Variants in NRG1 observed in about 807,000 individuals in gnomAD.
The protein encoded by NRG1 is neuregulin 1.
A neutral mutation model predicts 63.8 loss-of-function variants in NRG1; 18 were observed. The ratio of observed to expected loss-of-function variants is 0.28; its 90% confidence interval spans 0.19 to 0.42. The LOEUF is 0.42. Ranked by LOEUF, NRG1 falls within the 10% of genes least tolerant of loss-of-function variation. The pLI, the probability that NRG1 is intolerant of heterozygous loss-of-function variation, is 1.00. For missense variants in NRG1, 762 were observed against 814.7 expected, an observed-to-expected ratio of 0.94 and a Z score of 0.79; for synonymous variants, 302 against 301.3, an observed-to-expected ratio of 1.00 and a Z score of -0.02.
chr8:32,617,008 G>A, intron 5 of NRG1, 123 bp downstream of exon 5: 1 of 725,192 alleles, frequency 1.4e-6, no homozygotes, highest in Non-Finnish European at 2.4e-6. Flanking sequence ...TTGGCAATAG[G>A]TGGTATTTGC....
chr8:32,024,390 C>A lies in NRG1; in HGVS notation c.37+384959C>A, dbSNP rs564003800. On this transcript the variant is annotated intron_variant, in intron 1 of 10. Coordinates refer to the NRG1 transcript ENST00000519301. ...TTGAGTGGTGGACAGAGTGGGAAAC[C>A]ACGTAGCATGCAAAGGGGAGCGGAA... 3.9e-5 allele frequency among the ~76,000 whole-genome samples: 6 copies of A among 152,288 alleles called. No homozygotes were observed. The East Asian group carries it at 1.2e-3, about 29-fold the overall frequency.
intron 1 of NRG1, among the ~76,000 whole-genome samples, chr8:31,930,301 T>G (rs947826425): frequency 6.6e-6 from 1 of 152,176 alleles, no homozygotes; most frequent in Admixed American, 6.5e-5. Context: ...AAAAGATCAT[T>G]TATTGATTAA....
At chr8:31,957,636 T>G (rs764992644) in intron 1 of NRG1, among the ~76,000 whole-genome samples, 88 of 152,212 alleles carry the variant, frequency 5.8e-4, no homozygotes, top group Non-Finnish European at 8.5e-4. Flanking sequence ...TTTTGAATTT[T>G]TTAGTGGTAG....
At position 32,123,664 on chromosome 8, in the gene NRG1, TC is replaced by T. The variant is rs1462181626; in HGVS notation, c.38-472163del. ...CATAATATATATATTATGTAATTTT[TC>T]ATTCTGTCTTATAATTTATTCTAAA... On this transcript the variant is annotated intron_variant, in intron 1 of 10. Transcript: ENST00000519301. Among the ~76,000 whole-genome samples, 3 of 149,576 alleles carry T rather than the reference TC, an allele frequency of 2.0e-5. No homozygotes were observed. The East Asian group carries it at 5.8e-4, about 29-fold the overall frequency.
rs537424907 is a variant in NRG1 at position 31,639,538 on chromosome 8, G to A, written c.37+107G>A. 100 of 1,474,724 alleles carry A rather than the reference G, an allele frequency of 6.8e-5. No homozygotes were observed. The East Asian group carries it at 2.5e-3, about 37-fold the overall frequency. 91.4% of individuals were successfully genotyped at this position (1,474,724 alleles called of 1,614,324 possible). On this transcript the variant is annotated intron_variant, in intron 1 of 10. Transcript: ENST00000519301. ...GCTCTCTCCCTCGCGCTCTCTCCCA[G>A]CCGCTTGCTCGCAGCCCCAGCAGCC...
At chr8:31,898,143 C>T (rs1585594842) in intron 1 of NRG1, among the ~76,000 whole-genome samples, 1 of 151,896 alleles carries the variant, frequency 6.6e-6, no homozygotes, top group African/African-American at 2.4e-5. Context: ...TGATTGATGT[C>T]TTATATCTCC....
intron 1 of NRG1, among the ~76,000 whole-genome samples, chr8:32,566,251 G>T (rs1455289705): frequency 6.6e-6 from 1 of 151,660 alleles, no homozygotes; most frequent in Non-Finnish European, 1.5e-5. Flanking sequence ...CAGCTACTTG[G>T]GAGGCTGAGG....
intron 1 of NRG1, among the ~76,000 whole-genome samples, chr8:32,057,316 CATTT>C (rs1223182866): frequency 1.3e-5 from 2 of 152,042 alleles, no homozygotes; most frequent in Non-Finnish European, 2.9e-5. Flanking sequence ...TTTCTTTTCC[CATTT>C]ATTTATTTTG....
rs1346998785 is a variant in NRG1 at position 32,016,891 on chromosome 8, AG to A, written c.37+377461del. ...TGTGAGCACAGCCTGTACAATTAAT[AG>A]TGACACTTCAGCAGCAAAGCCACTC... On this transcript the variant is annotated intron_variant, in intron 1 of 10. Coordinates refer to the NRG1 transcript ENST00000519301. Among the ~76,000 whole-genome samples the A allele has an allele frequency of 2.6e-5, 4 of 152,326 alleles. No individual in the cohort carries two copies. The South Asian group carries it at 6.2e-4, about 24-fold the overall frequency.
exon 12 of NRG1, chr8:32,767,287 C>G (rs1194157163): frequency 6.6e-6 from 1 of 152,118 alleles, no homozygotes; most frequent in Non-Finnish European, 1.5e-5. Flanking sequence ...TGAAGTTTAT[C>G]CAGGGTAACT....
At chr8:32,000,646 G>A (rs1304427581) in intron 1 of NRG1, among the ~76,000 whole-genome samples, 3 of 151,888 alleles carry the variant, frequency 2.0e-5, no homozygotes, top group African/African-American at 7.2e-5. Flanking sequence ...CCAGACATAA[G>A]CTGAAAAGCA....
At chr8:31,768,427 G>A (rs73590143) in intron 1 of NRG1, among the ~76,000 whole-genome samples, 509 of 152,260 alleles carry the variant, frequency 3.3e-3, no homozygotes, top group African/African-American at 0.012. Flanking sequence ...GTGGTAATCA[G>A]CTGAATTAGT....
At chr8:32,192,312 A>G (rs1243260854) in intron 1 of NRG1, among the ~76,000 whole-genome samples, 3 of 152,200 alleles carry the variant, frequency 2.0e-5, no homozygotes, top group East Asian at 3.8e-4. Flanking sequence ...TCATAGCACT[A>G]TTCACTATAA....
intron 1 of NRG1, among the ~76,000 whole-genome samples, chr8:31,765,535 G>T (rs1241560507): frequency 1.3e-5 from 2 of 152,070 alleles, no homozygotes; most frequent in Non-Finnish European, 2.9e-5. Context: ...TTTTTATCAG[G>T]GGTAAGTATT....
intron 1 of NRG1, chr8:32,061,562 T>G (rs1247954142): frequency 6.6e-6 from 1 of 152,060 alleles, no homozygotes; most frequent in Non-Finnish European, 1.5e-5. Context: ...CAATGTTTTA[T>G]GCCCTATGCC....
chr8:32,334,095 A>G (rs931303739), intron 1 of NRG1, among the ~76,000 whole-genome samples: 4 of 152,208 alleles, frequency 2.6e-5, no homozygotes, highest in Admixed American at 1.3e-4. Flanking sequence ...CTTACATGAC[A>G]GGTACTTACA....
At chr8:32,654,483 G>A (rs1316116312) in intron 5 of NRG1, among the ~76,000 whole-genome samples, 2 of 151,896 alleles carry the variant, frequency 1.3e-5, no homozygotes, top group Non-Finnish European at 2.9e-5. Context: ...ACAAAAATTA[G>A]CCAGGGGTGG....
At chr8:31,644,278 G>C (rs1244290709) in intron 1 of NRG1, among the ~76,000 whole-genome samples, 1 of 152,104 alleles carries the variant, frequency 6.6e-6, no homozygotes. Context: ...AAATCTTGCT[G>C]TCAAAAATCT....
At chr8:32,295,705 C>T (rs1854760363) in intron 1 of NRG1, among the ~76,000 whole-genome samples, 1 of 152,072 alleles carries the variant, frequency 6.6e-6, no homozygotes. Context: ...AATCCCAGCA[C>T]TTTGGGAGGC....
Sources: allele counts gnomAD v4.1 joint callset (sites outside exome capture counted in the v4.1 genomes callset), GRCh38; gene constraint gnomAD v4.1.1; transcripts MANE v1.5; gene names NCBI Gene and HGNC (gene_info 2026-07-23, HGNC 2026-07-21).